The following ADAD1 variants were observed in gnomAD, a reference collection of about 807,000 sequenced individuals.
The protein encoded by ADAD1 is adenosine deaminase domain-containing protein 1.
A neutral mutation model predicts 66.8 loss-of-function variants in ADAD1; 46 were observed. That is an observed-to-expected ratio of 0.69 (90% CI 0.54 to 0.88). The LOEUF is 0.88. Among genes scored for constraint, ADAD1 ranks in the 40% least tolerant of loss-of-function variants. ADAD1 has a pLI of 0.00. For missense variants in ADAD1, 617 were observed against 681.8 expected (o/e 0.91, Z 1.06); for synonymous variants, 248 against 229.4 (o/e 1.08, Z -0.73).
chr4:122,421,384 A>T lies in ADAD1; in HGVS notation c.1611A>T (p.Ala537=), dbSNP rs150806692. The T allele has an allele frequency of 1.4e-4, 224 of 1,588,640 alleles. No individual in the cohort carries two copies. The highest frequency in any genetic ancestry group is 1.8e-4 in the Non-Finnish European group (212 of 1,163,826). ...KELLEAGTYH[A]AKCMSASYQE... is the part of the protein sequence containing the mutation. ...TACTTGAAGCTGGTACATATCATGC[A>T]GCTAAGGTAAGTCCTTAAAGGAATA... The change falls in exon 12 of 13, where the codon GCA becomes GCT. Residue 537 remains alanine, a synonymous_variant. Transcript: ENST00000296513.
At chr4:122,380,914 CGGGGA>C in intron 3 of ADAD1, 73 bp from the exon 4 acceptor site, 1 of 1,298,916 alleles carries the variant, frequency 7.7e-7, no homozygotes, top group Non-Finnish European at 1.1e-6. Flanking sequence ...CCTTCCATTT[CGGGGA>C]GGATTTATTG....
intron 7 of ADAD1, among the ~76,000 whole-genome samples, chr4:122,401,041 G>A (rs1473451880): frequency 6.6e-6 from 1 of 151,898 alleles, no homozygotes; most frequent in Admixed American, 6.6e-5. Context: ...CTTCTGCTGT[G>A]TTTGGGTTTG....
chr4:122,411,214 T>C lies in ADAD1; in HGVS notation c.849-8T>C. The C allele has an allele frequency of 2.5e-6, 4 of 1,575,896 alleles. No homozygotes were observed. The highest frequency in any genetic ancestry group is 3.4e-6 in the Non-Finnish European group (4 of 1,163,550). On this transcript the variant is annotated splice_region_variant and splice_polypyrimidine_tract_variant and intron_variant, in intron 8 of 12. Coordinates refer to ENST00000296513, the MANE Select transcript of ADAD1 (RefSeq NM_139243.4). ...TATTACTTGACAAAATTATAACATTTATTTTAGGTACTTTTATAGACAACT... is the reference window on the plus strand; with the variant it reads ...TATTACTTGACAAAATTATAACATTCATTTTAGGTACTTTTATAGACAACT...
intron 5 of ADAD1, among the ~76,000 whole-genome samples, chr4:122,389,194 C>A (rs943066569): frequency 1.3e-5 from 2 of 152,116 alleles, no homozygotes; most frequent in African/African-American, 2.4e-5. Context: ...TTTCTTAATC[C>A]TGAGTTCTAA....
chr4:122,414,681 C>T (rs1321146383), intron 10 of ADAD1, among the ~76,000 whole-genome samples: 1 of 152,084 alleles, frequency 6.6e-6, no homozygotes, highest in Non-Finnish European at 1.5e-5. Context: ...GTTGCAAGAA[C>T]TTCTGACCTT....
chr4:122,421,178 AT>A, intron 11 of ADAD1, 82 bp from the exon 12 acceptor site: 20 of 1,070,702 alleles, frequency 1.9e-5, no homozygotes, highest in Non-Finnish European at 2.5e-5. Context: ...TATTTTGTAG[AT>A]CCATATTGAT....
chr4:122,405,015 A>G (rs1796143747), intron 7 of ADAD1, among the ~76,000 whole-genome samples: 1 of 152,220 alleles, frequency 6.6e-6, no homozygotes, highest in Non-Finnish European at 1.5e-5. Flanking sequence ...GAGCTGAGAA[A>G]GAAGCTGAGT....
At chr4:122,403,737 G>A (rs1367393389) in intron 7 of ADAD1, among the ~76,000 whole-genome samples, 1 of 152,130 alleles carries the variant, frequency 6.6e-6, no homozygotes, top group Non-Finnish European at 1.5e-5. Flanking sequence ...AGTGGATGGG[G>A]CTGTAGAGCT....
rs747712996 is a variant in ADAD1 at position 122,429,620 on chromosome 4, C to T, written c.1618-6C>T. ...TTCTATAATTCATTTTTTCTTTCTTCTCTAGTGTATGTCTGCCTCCTATCA... is the reference window on the plus strand; with the variant it reads ...TTCTATAATTCATTTTTTCTTTCTTTTCTAGTGTATGTCTGCCTCCTATCA... On this transcript the variant is annotated splice_region_variant and splice_polypyrimidine_tract_variant and intron_variant, in intron 12 of 12. Transcript: ENST00000296513. 8 of 1,579,286 alleles carry T rather than the reference C, an allele frequency of 5.1e-6. No homozygotes were observed. The highest frequency in any genetic ancestry group is 3.4e-5 in the Admixed American group (2 of 59,614).
intron 6 of ADAD1, among the ~76,000 whole-genome samples, chr4:122,394,387 G>A (rs1795598983): frequency 6.6e-6 from 1 of 152,128 alleles, no homozygotes; most frequent in African/African-American, 2.4e-5. Context: ...GCACACTTCA[G>A]ACTTTAAAGT....
chr4:122,416,105 G>A (rs1017828465), intron 11 of ADAD1, among the ~76,000 whole-genome samples: 1 of 152,106 alleles, frequency 6.6e-6, no homozygotes, highest in Non-Finnish European at 1.5e-5. Flanking sequence ...TAATAACCCT[G>A]TAGGTTGAGA....
At chr4:122,423,710 T>C (rs947354289) in intron 12 of ADAD1, among the ~76,000 whole-genome samples, 1 of 152,152 alleles carries the variant, frequency 6.6e-6, no homozygotes, top group Non-Finnish European at 1.5e-5. Flanking sequence ...CAGTGGAATA[T>C]AATTGAGAGC....
chr4:122,400,635 G>A (rs1356010636), intron 7 of ADAD1, among the ~76,000 whole-genome samples: 4 of 151,868 alleles, frequency 2.6e-5, no homozygotes, highest in African/African-American at 4.8e-5. Flanking sequence ...GTTCGGTTGC[G>A]AACTTTTTTG....
At position 122,407,079 on chromosome 4, in the gene ADAD1, C is replaced by CA. The variant is rs374579207; in HGVS notation, c.725-818dup. Among the ~76,000 whole-genome samples, 475 of 141,010 alleles carry CA rather than the reference C, an allele frequency of 3.4e-3. 1 individual carries two copies. The highest frequency in any genetic ancestry group is 9.6e-3 in the African/African-American group (370 of 38,716). 92.5% of individuals were successfully genotyped at this position (141,010 alleles called of 152,430 possible). ...TGTTGCTGAGTTATTAGGTTGGTGC[C>CA]AAAAAAAAAAATGACAAGAACTGCA... On this transcript the variant is annotated intron_variant, in intron 7 of 12. Transcript: ENST00000296513.
rs768198783 is a variant in ADAD1, at chr4:122,412,807, T to C, written c.1247T>C (p.Ile416Thr). 2.5e-5 allele frequency: 40 copies of C among 1,611,892 alleles called. No homozygotes were observed. Among genetic ancestry groups the C allele is most frequent in the South Asian group, 1.3e-4 (12 of 90,932 alleles). Residue 416 changes from isoleucine (I) to threonine (T), a missense_variant and splice_region_variant, in exon 10 of 13, where the codon ATT becomes ACT. Transcript: ENST00000296513. The part of the protein sequence containing the change: ...IQPVYISSIL[I>T]GDGNCSDTRG... ...CCAGTTTACATCAGCAGTATACTTA[T>C]TGGTGAGTGGGATTTCAGAACCTCC...
At chr4:122,390,853 C>T (rs1795400446) in intron 5 of ADAD1, among the ~76,000 whole-genome samples, 1 of 152,250 alleles carries the variant, frequency 6.6e-6, no homozygotes, top group African/African-American at 2.4e-5. Context: ...CTGAATCCTA[C>T]TTCTGTCAAT....
chr4:122,416,672 G>A (rs1796749634), intron 11 of ADAD1, among the ~76,000 whole-genome samples: 1 of 151,832 alleles, frequency 6.6e-6, no homozygotes, highest in Non-Finnish European at 1.5e-5. Flanking sequence ...GTTTGAAGCT[G>A]CAGTGAGCTA....
In ADAD1 at chr4:122,407,985, T is replaced by C; in HGVS notation, c.802T>C (p.Leu268=). The part of the protein sequence containing the change: ...SQDIKPDGRV[L]HDTHAVVTAR... ...GGACATTAAGCCAGATGGAAGAGTA[T>C]TGCATGACACTCATGCTGTTGTTAC... Residue 268 remains leucine (L), a synonymous_variant, in exon 8 of 13, where the codon TTG becomes CTG. Coordinates refer to ENST00000296513, the MANE Select transcript of ADAD1 (RefSeq NM_139243.4). The C allele has an allele frequency of 2.5e-6, 4 of 1,613,738 alleles. No individual in the cohort carries two copies. Among genetic ancestry groups the C allele is most frequent in the Non-Finnish European group, 3.4e-6 (4 of 1,179,750 alleles).
chr4:122,423,536 T>C (rs1004668894), intron 12 of ADAD1, among the ~76,000 whole-genome samples: 1 of 152,178 alleles, frequency 6.6e-6, no homozygotes, highest in African/African-American at 2.4e-5. Flanking sequence ...GTAGAAGTTT[T>C]ACAAAGGCTT....
Sources: allele counts gnomAD v4.1 joint callset (sites outside exome capture counted in the v4.1 genomes callset), GRCh38; gene constraint gnomAD v4.1.1; transcripts MANE v1.5; gene names NCBI Gene and HGNC (gene_info 2026-07-23, HGNC 2026-07-21).